The following ZNF469 variants were observed in gnomAD, a reference collection of about 807,000 sequenced individuals.
The protein encoded by ZNF469 is zinc finger protein 469.
In ZNF469, 1 loss-of-function variant was observed where a neutral mutation model predicts 1.0. That is an observed-to-expected ratio of 1.00 (90% CI 0.35 to 4.73). The LOEUF (loss-of-function observed/expected upper bound fraction) is 4.73, where lower values mean the gene tolerates loss of function less well. ZNF469 is among the 30% of genes most tolerant of loss of function. The pLI, the probability that ZNF469 is intolerant of heterozygous loss-of-function variation, is 0.16. For missense variants in ZNF469, 6,100 were observed against 5,356.3 expected (o/e 1.14, Z -4.33); for synonymous variants, 2,703 against 2,363.4 (o/e 1.14, Z -4.17).
chr16:88,146,620 C>T, the ZNF469 span, among the ~76,000 whole-genome samples: 62 of 152,116 alleles, frequency 4.1e-4, no homozygotes, highest in Non-Finnish European at 7.9e-4. Context: ...CTCCCACCGT[C>T]TCCAGTCTCT....
At chr16:88,311,579 G>C in the ZNF469 span, among the ~76,000 whole-genome samples, 1 of 152,196 alleles carries the variant, frequency 6.6e-6, no homozygotes, top group East Asian at 1.9e-4. Context: ...AGGGATGGTG[G>C]CCTGCCCTCC....
chr16:88,134,159 G>C, the ZNF469 span, among the ~76,000 whole-genome samples: 29 of 152,340 alleles, frequency 1.9e-4, no homozygotes, highest in Non-Finnish European at 2.9e-4. Flanking sequence ...CTTAGGTTTA[G>C]AGTATCATCT....
At chr16:88,249,488 G>A in the ZNF469 span, among the ~76,000 whole-genome samples, 1 of 127,886 alleles carries the variant, frequency 7.8e-6, no homozygotes, top group East Asian at 2.7e-4. Context: ...CCAGGCTGGA[G>A]TGCAGTGGCA....
the ZNF469 span, among the ~76,000 whole-genome samples, chr16:88,367,549 A>T: frequency 6.6e-6 from 1 of 151,984 alleles, no homozygotes; most frequent in Non-Finnish European, 1.5e-5. Context: ...TTTGGAAGGA[A>T]GTGCACGTCC....
rs4782362 is a variant in ZNF469, at chr16:88,439,326, C to T, written c.11856C>T (p.Ser3952=). 1 allele frequency: 1,547,075 copies of T among 1,550,324 alleles called. 771,982 individuals carry two copies. The highest frequency in any genetic ancestry group is 1 in the East Asian group (40,912 of 40,912). ...AAATCCCTTTAAAGAAAGATGCTTC[C>T]GAGTAATTTCTAGGAGCAAGAGCCT... ...GFKIPLKKDA[S]E The change falls in exon 3 of 3, where the codon TCC becomes TCT. Residue 3952 remains serine, a synonymous_variant. Transcript: ENST00000565624.
At chr16:88,227,356 G>A in the ZNF469 span, among the ~76,000 whole-genome samples, 3 of 152,124 alleles carry the variant, frequency 2.0e-5, no homozygotes, top group Non-Finnish European at 2.9e-5. Flanking sequence ...CCCGTCAACC[G>A]CCACTCAGCC....
At chr16:88,137,949 A>G in the ZNF469 span, among the ~76,000 whole-genome samples, 1 of 152,156 alleles carries the variant, frequency 6.6e-6, no homozygotes, top group African/African-American at 2.4e-5. Flanking sequence ...GTCTTGCCCA[A>G]GACGATAGAG....
At chr16:88,108,231 A>ATGTGGGGATGGAGG in the ZNF469 span, among the ~76,000 whole-genome samples, 1 of 144,036 alleles carries the variant, frequency 6.9e-6, no homozygotes, top group African/African-American at 2.7e-5. Flanking sequence ...GTCTGTGGGG[A>ATGTGGGGATGGAGG]TGCGGGGAGG....
chr16:88,296,456 TCC>T, the ZNF469 span, among the ~76,000 whole-genome samples: 3 of 136,856 alleles, frequency 2.2e-5, no homozygotes, highest in East Asian at 2.1e-4. Context: ...ATGCTCACCC[TCC>T]CCCCCACACA....
intron 1 of ZNF469, among the ~76,000 whole-genome samples, chr16:88,396,123 G>A (rs1272296451): frequency 2.0e-5 from 3 of 152,220 alleles, no homozygotes; most frequent in East Asian, 1.9e-4. Context: ...TTTTTCAGGT[G>A]CTTGTACTTT....
At chr16:88,240,630 G>C in the ZNF469 span, among the ~76,000 whole-genome samples, 1 of 152,128 alleles carries the variant, frequency 6.6e-6, no homozygotes, top group African/African-American at 2.4e-5. Flanking sequence ...TGTGTAAGAT[G>C]CAAGGCTGGA....
chr16:88,427,576 G>A lies in ZNF469; in HGVS notation c.106G>A (p.Glu36Lys). Residue 36 changes from glutamate to lysine, a missense_variant, in exon 3 of 3, where the codon GAG (glutamate) becomes AAG (lysine). Glu to Lys is a moderately conservative substitution (Grantham distance 56). Coordinates refer to ENST00000565624, the MANE Select transcript of ZNF469 (RefSeq NM_001367624.2). Reference protein sequence around the residue: ...SPGHPSQPPLEDNTPATRTTK... With the variant: ...SPGHPSQPPLKDNTPATRTTK... ...GGGGCACCCCTCCCAGCCGCCACTG[G>A]AGGACAACACCCCAGCTACCAGGAC... is the stretch of plus-strand genomic sequence containing the variant. The A allele has an allele frequency of 2.0e-6, 3 of 1,537,040 alleles. No homozygotes were observed. The highest frequency in any genetic ancestry group is 2.6e-6 in the Non-Finnish European group (3 of 1,146,386).
the ZNF469 span, among the ~76,000 whole-genome samples, chr16:88,185,961 G>A: frequency 2.0e-5 from 3 of 150,862 alleles, no homozygotes; most frequent in South Asian, 2.1e-4. Context: ...ACACACACAC[G>A]CATACACACT....
the ZNF469 span, among the ~76,000 whole-genome samples, chr16:88,189,519 C>A: frequency 1.3e-5 from 2 of 152,228 alleles, no homozygotes; most frequent in Non-Finnish European, 1.5e-5. This position sits in a 1 kb window ranked among gnomAD's most constrained non-coding sequence, Gnocchi z 4.3. Flanking sequence ...CATTTATCCA[C>A]CATTCCACAT....
the ZNF469 span, among the ~76,000 whole-genome samples, chr16:88,168,927 C>CT: frequency 4.6e-5 from 7 of 152,142 alleles, no homozygotes; most frequent in Admixed American, 4.6e-4. This position sits in a 1 kb window ranked among gnomAD's most constrained non-coding sequence, Gnocchi z 4.3. Flanking sequence ...GAGACCCCCC[C>CT]CTCTACAAAA....
chr16:88,430,438 C>T lies in ZNF469; in HGVS notation c.2968C>T (p.Pro990Ser). 4 of 1,505,640 alleles carry T rather than the reference C, an allele frequency of 2.7e-6. No individual in the cohort carries two copies. The highest frequency in any genetic ancestry group is 2.6e-5 in the East Asian group (1 of 39,018). The allele number at this position is 1,505,640 out of a possible 1,614,324, so 93.3% of individuals were successfully genotyped here. ...GAGGAACGACGGTCTCGGGGAGCGG[C>T]CCCCACCCCGTCCCCGGCGCCCTAG... ...PRRNDGLGER[P>S]PPRPRRPRTQ... The change falls in exon 3 of 3, where the codon CCC becomes TCC. Residue 990 changes from proline to serine, a missense_variant. Physicochemically the swap from Pro to Ser is moderately conservative, Grantham distance 74 (BLOSUM62 -1). Coordinates refer to ENST00000565624, the MANE Select transcript of ZNF469 (RefSeq NM_001367624.2).
the ZNF469 span, among the ~76,000 whole-genome samples, chr16:88,327,224 G>A: frequency 2.4e-3 from 369 of 152,270 alleles, 3 homozygotes; most frequent in African/African-American, 8.6e-3. Flanking sequence ...GCACCACTGG[G>A]GCTTCTCACA....
At chr16:88,420,997 G>T (rs924582044) in intron 1 of ZNF469, among the ~76,000 whole-genome samples, 2 of 152,180 alleles carry the variant, frequency 1.3e-5, no homozygotes, top group Non-Finnish European at 2.9e-5. Flanking sequence ...TCCAGCAGAG[G>T]CCCCAGGAGG....
chr16:88,136,796 A>G, the ZNF469 span, among the ~76,000 whole-genome samples: 1 of 152,232 alleles, frequency 6.6e-6, no homozygotes, highest in East Asian at 1.9e-4. Context: ...GAGCGTGCCC[A>G]GTACAGGGCA....
Sources: gnomAD v4.1 joint callset for allele counts (sites outside exome capture counted in the v4.1 genomes callset) on GRCh38, gnomAD v4.1.1 for gene constraint, Gnocchi (gnomAD v3.1) non-coding constraint, MANE v1.5 for transcripts, NCBI Gene and HGNC (gene_info 2026-07-23, HGNC 2026-07-21) for gene names.